Variants in MSRA observed in about 807,000 individuals in gnomAD.
The protein encoded by MSRA is mitochondrial peptide methionine sulfoxide reductase.
A neutral mutation model predicts 31.3 loss-of-function variants in MSRA; 54 were observed. The ratio of observed to expected loss-of-function variants is 1.73; its 90% confidence interval spans 1.39 to 2.17. The LOEUF is 2.17. Ranked by LOEUF, MSRA falls within the 30% of genes most tolerant of loss-of-function variation. MSRA has a pLI of 0.00. For missense variants in MSRA, 507 were observed against 300.9 expected (o/e 1.69, Z -5.07); for synonymous variants, 169 against 116.5 (o/e 1.45, Z -2.90).
intron 5 of MSRA, 159 bp downstream of exon 5, chr8:10,320,148 C>A: frequency 1.9e-6 from 1 of 519,974 alleles, no homozygotes; most frequent in Non-Finnish European, 3.4e-6. Context: ...GCCATTGTGT[C>A]TAATACGTGT....
At chr8:10,380,017 A>T (rs1805973706) in intron 5 of MSRA, among the ~76,000 whole-genome samples, 1 of 152,204 alleles carries the variant, frequency 6.6e-6, no homozygotes, top group Admixed American at 6.5e-5. Flanking sequence ...ACCTAATCAC[A>T]ATCAACAACA....
chr8:10,355,793 A>G (rs1202678423), intron 5 of MSRA, among the ~76,000 whole-genome samples: 1 of 152,136 alleles, frequency 6.6e-6, no homozygotes, highest in East Asian at 1.9e-4. Flanking sequence ...AAGATATGCC[A>G]TATCAGGGAG....
At chr8:10,270,235 C>T (rs946932131) in intron 3 of MSRA, among the ~76,000 whole-genome samples, 6 of 152,126 alleles carry the variant, frequency 3.9e-5, no homozygotes, top group South Asian at 2.1e-4. Flanking sequence ...GATTCTGTTA[C>T]AAATAATAAA....
chr8:10,394,452 G>T (rs986370890), intron 5 of MSRA, among the ~76,000 whole-genome samples: 2 of 152,196 alleles, frequency 1.3e-5, no homozygotes, highest in East Asian at 3.9e-4. Flanking sequence ...ATCACAATAG[G>T]ATTTACAAAA....
intron 5 of MSRA, among the ~76,000 whole-genome samples, chr8:10,327,527 A>G (rs982427962): frequency 6.6e-6 from 1 of 152,250 alleles, no homozygotes; most frequent in Non-Finnish European, 1.5e-5. Flanking sequence ...GATTGCAGCC[A>G]GATATTTAGT....
chr8:10,139,826 G>GAA (rs1802554453), intron 1 of MSRA, among the ~76,000 whole-genome samples: 1 of 152,208 alleles, frequency 6.6e-6, no homozygotes, highest in South Asian at 2.1e-4. Context: ...GATTGGCACA[G>GAA]GTGTTGCTGA....
intron 1 of MSRA, among the ~76,000 whole-genome samples, chr8:10,146,620 C>T (rs574496241): frequency 2.0e-4 from 30 of 152,224 alleles, no homozygotes; most frequent in African/African-American, 4.6e-4. Context: ...GGTTGTACAA[C>T]TTTCTGAATA....
chr8:10,404,556 A>G (rs1807678937), intron 5 of MSRA, among the ~76,000 whole-genome samples: 1 of 152,168 alleles, frequency 6.6e-6, no homozygotes, highest in African/African-American at 2.4e-5. Context: ...TCCCTCACCT[A>G]CGATCTGCCG....
At chr8:10,105,042 A>G (rs989739402) in intron 1 of MSRA, among the ~76,000 whole-genome samples, 2 of 152,224 alleles carry the variant, frequency 1.3e-5, no homozygotes, top group Non-Finnish European at 2.9e-5. Flanking sequence ...AGTGAGATTG[A>G]ACATCTTTTA....
chr8:10,192,745 C>G (rs992169874), intron 1 of MSRA, among the ~76,000 whole-genome samples: 21 of 152,202 alleles, frequency 1.4e-4, no homozygotes, highest in African/African-American at 4.8e-4. Flanking sequence ...GAATGCTTTT[C>G]TCACTGAAAC....
intron 1 of MSRA, among the ~76,000 whole-genome samples, chr8:10,201,083 C>G (rs1808456352): frequency 6.6e-6 from 1 of 152,078 alleles, no homozygotes; most frequent in African/African-American, 2.4e-5. Context: ...CACAAAGAAA[C>G]AGATAAGAAG....
intron 3 of MSRA, among the ~76,000 whole-genome samples, chr8:10,274,674 T>G (rs931510778): frequency 6.6e-6 from 1 of 152,190 alleles, no homozygotes; most frequent in Non-Finnish European, 1.5e-5. Context: ...TCCATCTCTC[T>G]ACCCATCCAT....
intron 1 of MSRA, among the ~76,000 whole-genome samples, chr8:10,068,715 G>A (rs1238888151): frequency 2.0e-5 from 3 of 152,150 alleles, no homozygotes; most frequent in Admixed American, 6.5e-5. Context: ...AGTAGCATCG[G>A]TTCTCTGACT....
chr8:10,379,778 A>G (rs1387933322), intron 5 of MSRA, among the ~76,000 whole-genome samples: 1 of 152,238 alleles, frequency 6.6e-6, no homozygotes, highest in Admixed American at 6.5e-5. Context: ...CTTTTAGGCC[A>G]TGATCTCTTC....
chr8:10,057,757 G>A (rs890109517), intron 1 of MSRA, among the ~76,000 whole-genome samples: 13 of 152,280 alleles, frequency 8.5e-5, no homozygotes, highest in African/African-American at 2.9e-4. Context: ...GTGTGGAGAT[G>A]TGCCAGCTTC....
chr8:10,379,614 C>T (rs1805947997), intron 5 of MSRA, among the ~76,000 whole-genome samples: 2 of 152,332 alleles, frequency 1.3e-5, no homozygotes, highest in South Asian at 4.1e-4. Flanking sequence ...TCCTCCCAGA[C>T]ACTCAGCTTG....
At chr8:10,211,854 T>C (rs1809529542) in intron 2 of MSRA, among the ~76,000 whole-genome samples, 1 of 152,070 alleles carries the variant, frequency 6.6e-6, no homozygotes, top group South Asian at 2.1e-4. Flanking sequence ...TCTGCAGAAG[T>C]GCTTGTTCTC....
chr8:10,054,835 C>G (rs946872835), intron 1 of MSRA, among the ~76,000 whole-genome samples, 177 bp downstream of exon 1: 1 of 152,302 alleles, frequency 6.6e-6, no homozygotes, highest in East Asian at 1.9e-4. Context: ...ACGCTGGGGT[C>G]CACTGACGTC....
At chr8:10,362,189 C>G (rs911366916) in intron 5 of MSRA, among the ~76,000 whole-genome samples, 3 of 152,124 alleles carry the variant, frequency 2.0e-5, no homozygotes, top group African/African-American at 7.2e-5. Flanking sequence ...TGAGTTGCAG[C>G]AGTATTAATG....
Sources: gnomAD v4.1 joint callset for allele counts (sites outside exome capture counted in the v4.1 genomes callset) on GRCh38, gnomAD v4.1.1 for gene constraint, MANE v1.5 for transcripts, NCBI Gene and HGNC (gene_info 2026-07-23, HGNC 2026-07-21) for gene names.